Variants in C15orf40 observed in about 807,000 individuals in gnomAD.
C15orf40 encodes the protein chromosome 15 open reading frame 40, also known as UPF0235 protein C15orf40.
Under a neutral mutation model 13.9 loss-of-function variants are expected in C15orf40, and 9 were observed. The ratio of observed to expected loss-of-function variants is 0.65; its 90% CI spans 0.39 to 1.13. The LOEUF (loss-of-function observed/expected upper bound fraction) is 1.13, where lower values mean the gene tolerates loss of function less well. Ranked by LOEUF, C15orf40 falls within the 50% of genes most tolerant of loss-of-function variation. The pLI, the probability that C15orf40 is intolerant of heterozygous loss-of-function variation, is 0.01. For missense variants in C15orf40, 225 were observed against 188.5 expected (o/e 1.19, Z -1.13); for synonymous variants, 95 against 69.2 (o/e 1.37, Z -1.85).
At position 83,001,073 on chromosome 15, in the gene C15orf40, A is replaced by C. The variant is rs2031398590; in HGVS notation, c.*4524T>G. ...AGTGATCCACCCGCCTCAGCCTCCC[A>C]AAGTGCTGGGATTACAGGCATAAGC... On this transcript the variant is annotated 3_prime_UTR_variant, in exon 4 of 4. Transcript: ENST00000304177. The C allele has an allele frequency of 1.0e-6, 1 of 982,026 alleles. No individual in the cohort carries two copies. Among genetic ancestry groups the C allele is most frequent in the Non-Finnish European group, 1.2e-6 (1 of 826,884 alleles). 60.8% of individuals were successfully genotyped at this position (982,026 alleles called of 1,614,324 possible). A position where few individuals can be genotyped will look rare whatever the true frequency, so the allele number is the denominator to read the frequency against.
chr15:83,008,796 G>T, intron 2 of C15orf40, 121 bp from the exon 3 acceptor site: 2 of 1,131,978 alleles, frequency 1.8e-6, no homozygotes, highest in Non-Finnish European at 2.5e-6. Context: ...AAAAACTGTT[G>T]AATGAAGAAA....
At chr15:82,993,123 T>C (rs902937188), downstream of C15orf40, among the ~76,000 whole-genome samples, 4 of 152,234 alleles carry the variant, frequency 2.6e-5, no homozygotes, top group Non-Finnish European at 4.4e-5. Context: ...GAGAAAATCA[T>C]GTAAACACTG....
intron 2 of C15orf40, among the ~76,000 whole-genome samples, 188 bp from the exon 3 acceptor site, chr15:83,008,863 C>G (rs982519540): frequency 6.6e-6 from 1 of 152,146 alleles, no homozygotes; most frequent in Non-Finnish European, 1.5e-5. Flanking sequence ...ATGGCCCTAC[C>G]ATTACAGGAA....
At chr15:82,991,541 T>A (rs1193624271), downstream of C15orf40, among the ~76,000 whole-genome samples, 1 of 151,708 alleles carries the variant, frequency 6.6e-6, no homozygotes, top group Non-Finnish European at 1.5e-5. Context: ...CAAGACTTCA[T>A]CTCATAAAAA....
chr15:83,009,220 A>G (rs546786283), intron 2 of C15orf40, among the ~76,000 whole-genome samples: 2 of 152,372 alleles, frequency 1.3e-5, no homozygotes, highest in African/African-American at 4.8e-5. Flanking sequence ...ACCAATTTTA[A>G]GCACACACAA....
chr15:83,011,178 C>T (rs1303258956), intron 1 of C15orf40: 1 of 285,206 alleles, frequency 3.5e-6, no homozygotes, highest in African/African-American at 2.2e-5. Context: ...CAGGTCATGC[C>T]GCTGCGGGAA....
chr15:82,989,310 A>G (rs1490689221), downstream of C15orf40: 1 of 807,232 alleles, frequency 1.2e-6, no homozygotes, highest in Non-Finnish European at 1.9e-6. Flanking sequence ...CTAGTACCTA[A>G]TAACAGTACC....
downstream of C15orf40, chr15:82,990,491 C>T: frequency 1.6e-6 from 1 of 620,952 alleles, no homozygotes; most frequent in East Asian, 2.8e-5. Flanking sequence ...CACAGCTATG[C>T]TTTTTGTGAT....
At position 83,010,353 on chromosome 15, in the gene C15orf40, T is replaced by C. The variant is rs114161234; in HGVS notation, c.122A>G (p.Gln41Arg). 4 of 1,614,232 alleles carry C rather than the reference T, an allele frequency of 2.5e-6. No homozygotes were observed. In the African/African-American group the frequency reaches 5.3e-5, roughly 22 times the overall value. ...KAGATTKGKSQSKEPERPLPP... is the reference protein window; with the variant it reads ...KAGATTKGKSRSKEPERPLPP... ...AAGTGGTCTCTCTGGTTCCTTGCTC[T>C]GGCTTTTACCCTAAAATGACAACCA... Residue 41 changes from glutamine to arginine, a missense_variant, in exon 2 of 4, where the codon CAG becomes CGG. Physicochemically the swap from Gln to Arg is conservative, Grantham distance 43. Coordinates refer to ENST00000304177, the MANE Select transcript of C15orf40 (RefSeq NM_144597.3).
At chr15:83,010,725 A>T (rs1422939442) in intron 1 of C15orf40, 1 of 189,632 alleles carries the variant, frequency 5.3e-6, no homozygotes, top group Non-Finnish European at 1.1e-5. Flanking sequence ...TGTTGGTGAA[A>T]GTGTGTATGT....
downstream of C15orf40, among the ~76,000 whole-genome samples, chr15:82,991,773 G>A (rs1261449647): frequency 6.6e-6 from 1 of 152,136 alleles, no homozygotes; most frequent in African/African-American, 2.4e-5. Context: ...TAATAGTAAG[G>A]GTTTTCCCTG....
intron 3 of C15orf40, among the ~76,000 whole-genome samples, chr15:83,006,186 G>A (rs1258249342): frequency 7.3e-5 from 11 of 150,526 alleles, no homozygotes; most frequent in South Asian, 2.1e-4. Context: ...AGCTGAGATC[G>A]CGCCACTGCA....
In C15orf40 at chr15:83,002,066, C is replaced by T. The variant is rs1190433446; in HGVS notation, c.*3531G>A. The T allele has an allele frequency of 6.6e-6, 1 of 152,184 alleles. No individual in the cohort carries two copies. Among genetic ancestry groups the T allele is most frequent in the African/African-American group, 2.4e-5 (1 of 41,432 alleles). The allele number at this position is 152,184 out of a possible 1,614,324, so 9.4% of individuals were successfully genotyped here. A position where few individuals can be genotyped will look rare whatever the true frequency, so the allele number is the denominator to read the frequency against. On this transcript the variant is annotated 3_prime_UTR_variant, in exon 4 of 4. Transcript: ENST00000304177. ...GAGATTACAGTCATGTACCACCACG[C>T]CCAGCTAATTTTTGTAATTTTTAGT...
intron 3 of C15orf40, chr15:83,006,196 A>T: frequency 4.4e-6 from 1 of 225,172 alleles, no homozygotes; most frequent in Non-Finnish European, 7.4e-6. Context: ...GCGCCACTGC[A>T]CTCCAGCCTG....
In C15orf40 at chr15:83,004,943, T is replaced by C. The variant is rs1303849942; in HGVS notation, c.*654A>G. ...TTTGGGTTCTAGTTGCCAGCTTGCA[T>C]GGTACAATCTTGAGTAAGTCTCTCA... On this transcript the variant is annotated 3_prime_UTR_variant, in exon 4 of 4. Coordinates refer to ENST00000304177, the MANE Select transcript of C15orf40 (RefSeq NM_144597.3). 1 of 1,294,966 alleles carries C rather than the reference T, an allele frequency of 7.7e-7. No homozygotes were observed. 80.2% of individuals were successfully genotyped at this position (1,294,966 alleles called of 1,614,324 possible).
In C15orf40 at chr15:82,996,192, GTTT is replaced by G. The variant is rs563003602; in HGVS notation, c.*9402_*9404del. On this transcript the variant is annotated 3_prime_UTR_variant, in exon 4 of 4. Coordinates refer to ENST00000304177, the MANE Select transcript of C15orf40 (RefSeq NM_144597.3). ...GGGATGATGTGATGATGATCTCATG[GTTT>G]TTTTCCACTGCTCGTGCCTTTAACT... 1.3e-4 allele frequency: 20 copies of G among 152,288 alleles called. No homozygotes were observed. The East Asian group carries it at 3.9e-3, about 29-fold the overall frequency. 9.4% of individuals were successfully genotyped at this position (152,288 alleles called of 1,614,324 possible).
chr15:83,011,153 C>T, intron 1 of C15orf40: 1 of 238,932 alleles, frequency 4.2e-6, no homozygotes, highest in Non-Finnish European at 8.1e-6. Flanking sequence ...CAGAATACAG[C>T]CTCCTGGGGA....
downstream of C15orf40, chr15:82,989,004 G>A (rs755981523): frequency 1.9e-5 from 30 of 1,588,646 alleles, no homozygotes; most frequent in South Asian, 3.2e-4. Flanking sequence ...CTTTAAAATT[G>A]TACAGATTTT....
rs2031938809 is a variant in C15orf40, at chr15:83,010,468, C to A, written c.112-105G>T. 1.6e-5 allele frequency: 22 copies of A among 1,370,070 alleles called. No individual in the cohort carries two copies. In the South Asian group the frequency reaches 2.5e-4, roughly 16 times the overall value. The allele number at this position is 1,370,070 out of a possible 1,614,324, so 84.9% of individuals were successfully genotyped here. A position where few individuals can be genotyped will look rare whatever the true frequency, so the allele number is the denominator to read the frequency against. Reference sequence around the variant, plus strand: ...TCACCCTTAACAGACAAACTAGGCTCATCAGTGGTGTCCAGGGACTTCTGG... The same window carrying A: ...TCACCCTTAACAGACAAACTAGGCTAATCAGTGGTGTCCAGGGACTTCTGG... On this transcript the variant is annotated intron_variant, in intron 1 of 3. Coordinates refer to ENST00000304177, the MANE Select transcript of C15orf40 (RefSeq NM_144597.3).
Sources: gnomAD v4.1 joint callset for allele counts (sites outside exome capture counted in the v4.1 genomes callset) on GRCh38, gnomAD v4.1.1 for gene constraint, MANE v1.5 for transcripts, NCBI Gene and HGNC (gene_info 2026-07-23, HGNC 2026-07-21) for gene names.